KSR1: variants seen among roughly 807,000 people sequenced by gnomAD.
KSR1 encodes kinase suppressor of ras.
A neutral mutation model predicts 92.9 loss-of-function variants in KSR1; 35 were observed. The ratio of observed to expected loss-of-function variants is 0.38; its 90% CI spans 0.29 to 0.50. The LOEUF (loss-of-function observed/expected upper bound fraction) is 0.50. Ranked by LOEUF, KSR1 falls within the 20% of genes least tolerant of loss-of-function variation. The pLI is 0.94. For synonymous variants in KSR1, 467 were observed against 472.6 expected (o/e 0.99, Z 0.15); for missense variants, 972 against 1,158.5 (o/e 0.84, Z 2.34).
intron 1 of KSR1, among the ~76,000 whole-genome samples, chr17:27,493,036 TG>T (rs1434921258): frequency 6.6e-6 from 1 of 152,238 alleles, no homozygotes; most frequent in Non-Finnish European, 1.5e-5. Flanking sequence ...GCATTGGCAC[TG>T]GGATTGCCAG....
intron 6 of KSR1, among the ~76,000 whole-genome samples, chr17:27,589,325 C>A (rs1420526242): frequency 6.6e-6 from 1 of 152,322 alleles, no homozygotes; most frequent in East Asian, 1.9e-4. Context: ...AGTCTGTTCT[C>A]TTTCCCTTGT....
intron 2 of KSR1, among the ~76,000 whole-genome samples, chr17:27,573,791 T>C (rs560175882): frequency 1.3e-5 from 2 of 152,216 alleles, no homozygotes; most frequent in Non-Finnish European, 2.9e-5. Context: ...TCTCTGAGCC[T>C]CAGTAAGATG....
rs1251483317 is a variant in KSR1 at position 27,459,116 on chromosome 17, G to T, written c.231+2242G>T. On this transcript the variant is annotated intron_variant, in intron 1 of 20. Coordinates refer to ENST00000644974, the MANE Select transcript of KSR1 (RefSeq NM_001394583.1). This position sits in a 1 kb window ranked among gnomAD's most constrained non-coding sequence, Gnocchi z 4.6. ...CAGCGTGGTGAATAGGAAGCCCCAT[G>T]GCTTTCATACTGGGCCTGGGTTCTG... Among the ~76,000 whole-genome samples, 6 of 152,170 alleles carry T rather than the reference G, an allele frequency of 3.9e-5. No homozygotes were observed. Among genetic ancestry groups the T allele is most frequent in the Non-Finnish European group, 7.4e-5 (5 of 68,022 alleles).
intron 1 of KSR1, among the ~76,000 whole-genome samples, chr17:27,487,768 T>C (rs549562918): frequency 6.6e-6 from 1 of 152,190 alleles, no homozygotes; most frequent in East Asian, 1.9e-4. Context: ...CTTTTACTCC[T>C]AGCCGAAGGT....
intron 5 of KSR1, among the ~76,000 whole-genome samples, chr17:27,586,306 G>A (rs904124961): frequency 7.2e-5 from 11 of 152,220 alleles, no homozygotes; most frequent in South Asian, 2.1e-4. Flanking sequence ...GGAGACAGCT[G>A]TGCCTCTGGA....
At chr17:27,531,024 C>T (rs2070514128) in intron 1 of KSR1, among the ~76,000 whole-genome samples, 1 of 152,172 alleles carries the variant, frequency 6.6e-6, no homozygotes, top group South Asian at 2.1e-4. Context: ...GCACTGTGTC[C>T]CTCTTGTAAA....
chr17:27,495,690 C>CA (rs939833316), intron 1 of KSR1, among the ~76,000 whole-genome samples: 10 of 152,152 alleles, frequency 6.6e-5, no homozygotes, highest in African/African-American at 2.4e-4. Flanking sequence ...TTCAGAATAA[C>CA]AGGGCGAGCT....
intron 1 of KSR1, among the ~76,000 whole-genome samples, chr17:27,507,144 A>C (rs952453072): frequency 1.1e-4 from 17 of 152,296 alleles, no homozygotes; most frequent in Non-Finnish European, 1.5e-4. Flanking sequence ...AATGTAAAAG[A>C]TCTCTTTAGG....
At chr17:27,605,956 C>T in intron 14 of KSR1, 143 bp downstream of exon 14, 2 of 972,298 alleles carry the variant, frequency 2.1e-6, no homozygotes, top group Non-Finnish European at 3.0e-6. Flanking sequence ...GTATAACTTC[C>T]TAATCACATA....
intron 6 of KSR1, 145 bp from the exon 7 acceptor site, chr17:27,590,666 T>C: frequency 1.5e-6 from 1 of 660,898 alleles, no homozygotes; most frequent in Non-Finnish European, 2.6e-6. Context: ...CCCGTGGGTA[T>C]CTCTGTCCTC....
In KSR1 at chr17:27,607,529, C is replaced by G. The variant is rs73983666; in HGVS notation, c.1995-385C>G. On this transcript the variant is annotated intron_variant, in intron 14 of 20. Transcript: ENST00000644974. ...TAATGAGATTCTTGACAGTGAGCCCCAGAGCCTTGATGTTGCCTGTTGATG... is the reference window on the plus strand; with the variant it reads ...TAATGAGATTCTTGACAGTGAGCCCGAGAGCCTTGATGTTGCCTGTTGATG... Among the ~76,000 whole-genome samples, 663 of 152,240 alleles carry G rather than the reference C, an allele frequency of 4.4e-3. 7 individuals carry two copies. The highest frequency in any genetic ancestry group is 0.015 in the African/African-American group (634 of 41,528).
intron 1 of KSR1, among the ~76,000 whole-genome samples, chr17:27,531,237 T>A (rs1769000402): frequency 6.6e-6 from 1 of 152,228 alleles, no homozygotes; most frequent in South Asian, 2.1e-4. Context: ...GGAAGAAAGC[T>A]CAAGATGTTG....
intron 1 of KSR1, among the ~76,000 whole-genome samples, chr17:27,528,618 G>A (rs2070409672): frequency 6.6e-6 from 1 of 151,978 alleles, no homozygotes; most frequent in Admixed American, 6.6e-5. Flanking sequence ...CCATTTCTGG[G>A]CCAGGCATAG....
At chr17:27,457,640 C>T (rs917423104) in intron 1 of KSR1, among the ~76,000 whole-genome samples, 9 of 152,146 alleles carry the variant, frequency 5.9e-5, no homozygotes, top group Non-Finnish European at 1.2e-4. Context: ...GCCTTCCTCT[C>T]TCAAATTATA....
intron 2 of KSR1, among the ~76,000 whole-genome samples, chr17:27,569,015 G>A (rs931331294): frequency 3.9e-5 from 6 of 152,148 alleles, no homozygotes; most frequent in Non-Finnish European, 7.4e-5. Context: ...ACCCTCCCAC[G>A]TTCCATCCTG....
At chr17:27,602,772 AG>A (rs1567877278) in intron 11 of KSR1, among the ~76,000 whole-genome samples, 1 of 152,214 alleles carries the variant, frequency 6.6e-6, no homozygotes, top group Non-Finnish European at 1.5e-5. Context: ...GAGGCTTCTA[AG>A]GTTCTGATCC....
intron 2 of KSR1, among the ~76,000 whole-genome samples, chr17:27,561,933 C>T (rs1245193259): frequency 1.3e-5 from 2 of 152,204 alleles, no homozygotes; most frequent in Non-Finnish European, 2.9e-5. Flanking sequence ...GCAACCTCCA[C>T]CTCCCGGGTT....
chr17:27,591,842 CT>C (rs753747563), intron 7 of KSR1, among the ~76,000 whole-genome samples: 1 of 152,328 alleles, frequency 6.6e-6, no homozygotes, highest in South Asian at 2.1e-4. Context: ...AAATCTAAGA[CT>C]CAGTGCAGAA....
intron 1 of KSR1, among the ~76,000 whole-genome samples, chr17:27,505,017 G>A (rs1430355389): frequency 6.6e-6 from 1 of 152,188 alleles, no homozygotes. Context: ...ATAAAGCCAG[G>A]GAAAGATGCC....
Sources: gnomAD v4.1 joint callset for allele counts (sites outside exome capture counted in the v4.1 genomes callset) on GRCh38, gnomAD v4.1.1 for gene constraint, Gnocchi (gnomAD v3.1) non-coding constraint, MANE v1.5 for transcripts, NCBI Gene and HGNC (gene_info 2026-07-23, HGNC 2026-07-21) for gene names.